THY1: variants seen among roughly 807,000 people sequenced by gnomAD.
THY1 encodes Thy-1 cell surface antigen, also known as thy-1 membrane glycoprotein.
THY1 carries 10 observed loss-of-function variants against 14.9 expected under a neutral mutation model. That is an observed-to-expected ratio of 0.67 (90% confidence interval 0.41 to 1.14). The LOEUF (loss-of-function observed/expected upper bound fraction) is 1.14. Among genes scored for constraint, THY1 ranks in the 50% most tolerant of loss-of-function variants. The pLI, the probability that THY1 is intolerant of heterozygous loss-of-function variation, is 0.00. For missense variants in THY1, 159 were observed against 202.1 expected, an observed-to-expected ratio of 0.79 and a Z score of 1.29; for synonymous variants, 80 against 90.0, an observed-to-expected ratio of 0.89 and a Z score of 0.63.
At chr11:119,420,429 C>T (rs758513453) in intron 2 of THY1, 43 bp from the exon 3 acceptor site, 2 of 1,539,678 alleles carry the variant, frequency 1.3e-6, no homozygotes, top group Non-Finnish European at 1.7e-6. Context: ...GGGCCTGCGG[C>T]ACAGGGGCCT....
intron 2 of THY1, 153 bp downstream of exon 2, chr11:119,420,714 CAG>C (rs1861882929): frequency 1.5e-5 from 14 of 947,884 alleles, no homozygotes; most frequent in Admixed American, 2.2e-5. Context: ...CTCAGGCCGT[CAG>C]AATATCAGCG....
At chr11:119,423,346 G>A (rs987530254), upstream of THY1, 4 of 372,098 alleles carry the variant, frequency 1.1e-5, no homozygotes, top group South Asian at 5.9e-5. Context: ...GGCAGGTTGC[G>A]GCGGAAGGGG....
At position 119,419,395 on chromosome 11, in the gene THY1, T is replaced by G. The variant is rs1313211927; in HGVS notation, c.*13A>C. The stretch of plus-strand genomic sequence containing the variant: ...AACTTGAGGCTTCCTGTCTCCTCCA[T>G]GGGCCCCACCAGTCACAGGGACATG... On this transcript the variant is annotated 3_prime_UTR_variant, in exon 4 of 4. Coordinates refer to ENST00000284240, the MANE Select transcript of THY1 (RefSeq NM_006288.5). The G allele has an allele frequency of 1.2e-6, 2 of 1,611,126 alleles. No homozygotes were observed. Among genetic ancestry groups the G allele is most frequent in the East Asian group, 2.2e-5 (1 of 44,840 alleles).
Position 119,417,098 on chromosome 11 carries a change from C to T in THY1, c.*2310G>A, listed in dbSNP as rs1274981251. On this transcript the variant is annotated 3_prime_UTR_variant, in exon 4 of 4. Transcript: ENST00000284240. ...TGAGGGTGGGGCACCCCACATTTCT[C>T]TGGCATTTGATCTCCCTTCCCCCAC... 6.6e-6 allele frequency among the ~76,000 whole-genome samples: 1 copy of T among 152,254 alleles called. No homozygotes were observed. The highest frequency in any genetic ancestry group is 1.5e-5 in the Non-Finnish European group (1 of 68,038).
chr11:119,416,090 C>A lies in THY1; in HGVS notation c.*3318G>T, dbSNP rs1378198263. On this transcript the variant is annotated 3_prime_UTR_variant, in exon 4 of 4. Coordinates refer to ENST00000284240, the MANE Select transcript of THY1 (RefSeq NM_006288.5). ...ATCTCACGGAGATCCCCATGCCCTT[C>A]CCGAGGAAGCCTCTAGATGTCAGAG... Among the ~76,000 whole-genome samples the A allele has an allele frequency of 6.6e-6, 1 of 152,142 alleles. No homozygotes were observed. The highest frequency in any genetic ancestry group is 1.9e-4 in the East Asian group (1 of 5,186).
At chr11:119,423,854 C>A (rs368935491), upstream of THY1, 1 of 152,842 alleles carries the variant, frequency 6.5e-6, no homozygotes, top group East Asian at 1.9e-4. Flanking sequence ...CTGGCACCTT[C>A]TGGTCCAGAC....
chr11:119,419,230 G>A lies in THY1; in HGVS notation c.*178C>T. The stretch of plus-strand genomic sequence containing the variant: ...GCCAGAGGTGTGCGGAGAGGGTGAG[G>A]TGGCCGCGTGGACGTGGGTAGATAA... On this transcript the variant is annotated 3_prime_UTR_variant, in exon 4 of 4. Coordinates refer to ENST00000284240, the MANE Select transcript of THY1 (RefSeq NM_006288.5). 1.5e-6 allele frequency: 1 copy of A among 681,100 alleles called. No homozygotes were observed. Among genetic ancestry groups the A allele is most frequent in the Non-Finnish European group, 2.7e-6 (1 of 364,218 alleles). 42.2% of individuals were successfully genotyped at this position (681,100 alleles called of 1,614,324 possible).
upstream of THY1, chr11:119,423,193 A>C (rs1479387478): frequency 2.2e-6 from 1 of 450,380 alleles, no homozygotes; most frequent in Non-Finnish European, 4.4e-6. Flanking sequence ...CGGAGCCCGC[A>C]GTTTTCACCG....
At position 119,419,127 on chromosome 11, in the gene THY1, A is replaced by C; in HGVS notation, c.*281T>G. 2.4e-6 allele frequency: 1 copy of C among 412,988 alleles called. No individual in the cohort carries two copies. Among genetic ancestry groups the C allele is most frequent in the Non-Finnish European group, 4.6e-6 (1 of 216,758 alleles). The allele number at this position is 412,988 out of a possible 1,614,324, so 25.6% of individuals were successfully genotyped here. ...CCCAATCCTGGCTTCCCTCTTCACGAACTCTCAAAGAAAAGGAAGGATAAA... is the reference window on the plus strand; with the variant it reads ...CCCAATCCTGGCTTCCCTCTTCACGCACTCTCAAAGAAAAGGAAGGATAAA... On this transcript the variant is annotated 3_prime_UTR_variant, in exon 4 of 4. Transcript: ENST00000284240.
In THY1 at chr11:119,416,918, T is replaced by C. The variant is rs996954920; in HGVS notation, c.*2490A>G. Among the ~76,000 whole-genome samples the C allele has an allele frequency of 1.3e-5, 2 of 152,154 alleles. No individual in the cohort carries two copies. The highest frequency in any genetic ancestry group is 4.8e-5 in the African/African-American group (2 of 41,442). On this transcript the variant is annotated 3_prime_UTR_variant, in exon 4 of 4. Transcript: ENST00000284240. ...CATGGCTGCAGAGGGCAACACCATC[T>C]CCCAGCACCCTTCTAAGAGTGTGGC...
rs1393166681 is a variant in THY1, at chr11:119,418,422, C to A, written c.*986G>T. 1 of 152,366 alleles carries A rather than the reference C, an allele frequency of 6.6e-6. No homozygotes were observed. The highest frequency in any genetic ancestry group is 1.9e-4 in the East Asian group (1 of 5,190). The allele number at this position is 152,366 out of a possible 1,614,324, so 9.4% of individuals were successfully genotyped here. ...CAGGGGGCTGTCTGAGGGGCTCAGG[C>A]ACCAGCCAGCAGGGGCTGGCACTGA... On this transcript the variant is annotated 3_prime_UTR_variant, in exon 4 of 4. Coordinates refer to ENST00000284240, the MANE Select transcript of THY1 (RefSeq NM_006288.5).
chr11:119,419,602 G>A, intron 3 of THY1, 82 bp from the exon 4 acceptor site: 1 of 1,124,478 alleles, frequency 8.9e-7, no homozygotes. Context: ...CAAAGCAAGG[G>A]TGTACTCCCT....
intron 1 of THY1, chr11:119,421,507 T>A (rs1038800589): frequency 1.3e-5 from 2 of 152,192 alleles, no homozygotes; most frequent in Admixed American, 1.3e-4. Flanking sequence ...AAATCCCCAA[T>A]GCTCAAAACC....
chr11:119,419,616 G>A (rs567464653), intron 3 of THY1, 96 bp from the exon 4 acceptor site: 3 of 951,266 alleles, frequency 3.2e-6, no homozygotes, highest in Non-Finnish European at 5.0e-6. Flanking sequence ...ACTCCCTTTG[G>A]GAGGTGGGTA....
chr11:119,420,372 G>A lies in THY1; in HGVS notation c.52C>T (p.Arg18Ter), dbSNP rs551221908. The change falls in exon 3 of 4, where the codon CGA becomes TGA. Residue 18 changes from arginine (R) to a stop codon, truncating the protein, a stop_gained. Transcript: ENST00000284240. LOFTEE classifies it high-confidence loss of function. Reference sequence around the variant, plus strand: ...GTTAGGCTGGTCACCTTCTGCCCTCGGGAGACCTGCAAGACTGGCACCAGC... The same window carrying A: ...GTTAGGCTGGTCACCTTCTGCCCTCAGGAGACCTGCAAGACTGGCACCAGC... Reference protein sequence around the residue: ...ALLLTVLQVSRGQKVTSLTAC... With the variant: ...ALLLTVLQVS 3.1e-6 allele frequency: 5 copies of A among 1,611,308 alleles called. No individual in the cohort carries two copies. In the Admixed American group the frequency reaches 5.0e-5, roughly 16 times the overall value.
rs1861775133 is a variant in THY1, at chr11:119,416,291, G to A, written c.*3117C>T. On this transcript the variant is annotated 3_prime_UTR_variant, in exon 4 of 4. Transcript: ENST00000284240. ...GAGGGAGTGGATGGGGATGGGGTTG[G>A]GGCATGTGTACAGGAACCAGGGCTG... 1.3e-5 allele frequency among the ~76,000 whole-genome samples: 2 copies of A among 152,204 alleles called. No homozygotes were observed. Among genetic ancestry groups the A allele is most frequent in the Middle Eastern group, 3.4e-3 (1 of 294 alleles).
In THY1 at chr11:119,418,945, GGACAGACC is replaced by G; in HGVS notation, c.*455_*462del. 2.7e-5 allele frequency: 7 copies of G among 259,796 alleles called. No individual in the cohort carries two copies. Among genetic ancestry groups the G allele is most frequent in the Admixed American group, 4.8e-5 (1 of 21,026 alleles). 16.1% of individuals were successfully genotyped at this position (259,796 alleles called of 1,614,324 possible). On this transcript the variant is annotated 3_prime_UTR_variant, in exon 4 of 4. Coordinates refer to ENST00000284240, the MANE Select transcript of THY1 (RefSeq NM_006288.5). ...CCATGCCTGCCGAGGAGTGCTGTCA[GGACAGACC>G]ATGTCCGTGCTAGGCCCAGGCACAG... is the stretch of plus-strand genomic sequence containing the variant.
In THY1 at chr11:119,422,814, A is replaced by T. The variant is rs1051919713; in HGVS notation, c.-25+299T>A. 1.3e-5 allele frequency among the ~76,000 whole-genome samples: 2 copies of T among 152,092 alleles called. No individual in the cohort carries two copies. Among genetic ancestry groups the T allele is most frequent in the African/African-American group, 4.8e-5 (2 of 41,408 alleles). ...ACGTCTGGGTGGAATGTAGACCCACAGGCTGTCCTTGGTGCCCTTCCTCCC... is the reference window on the plus strand; with the variant it reads ...ACGTCTGGGTGGAATGTAGACCCACTGGCTGTCCTTGGTGCCCTTCCTCCC... On this transcript the variant is annotated intron_variant, in intron 1 of 3. Coordinates refer to ENST00000284240, the MANE Select transcript of THY1 (RefSeq NM_006288.5). The surrounding 1 kb of genome is among the most constrained non-coding windows in gnomAD (Gnocchi z 7.0).
At position 119,422,928 on chromosome 11, in the gene THY1, C is replaced by A. The variant is rs540145403; in HGVS notation, c.-25+185G>T. Reference sequence around the variant, plus strand: ...CCCCGAAAGACATCAGGGTGCCACGCGGCCCCTGCCCTGCAGAAGCATCCC... The same window carrying A: ...CCCCGAAAGACATCAGGGTGCCACGAGGCCCCTGCCCTGCAGAAGCATCCC... On this transcript the variant is annotated intron_variant, in intron 1 of 3. Transcript: ENST00000284240. The surrounding 1 kb of genome is among the most constrained non-coding windows in gnomAD (Gnocchi z 7.0). Among the ~76,000 whole-genome samples, 1 of 152,306 alleles carries A rather than the reference C, an allele frequency of 6.6e-6. No individual in the cohort carries two copies. The highest frequency in any genetic ancestry group is 1.5e-5 in the Non-Finnish European group (1 of 68,016).
Sources: gnomAD v4.1 joint callset for allele counts (sites outside exome capture counted in the v4.1 genomes callset) on GRCh38, gnomAD v4.1.1 for gene constraint, Gnocchi (gnomAD v3.1) non-coding constraint, MANE v1.5 for transcripts, NCBI Gene and HGNC (gene_info 2026-07-23, HGNC 2026-07-21) for gene names.